ARHGEF28: variants seen among roughly 807,000 people sequenced by gnomAD.
ARHGEF28 encodes the protein 190 kDa guanine nucleotide exchange factor.
ARHGEF28 carries 152 observed loss-of-function variants against 206.6 expected under a neutral mutation model. That is an observed-to-expected ratio of 0.74 (90% CI 0.64 to 0.84). The LOEUF is 0.84. ARHGEF28 is among the 40% of genes least tolerant of loss of function. The probability of loss-of-function intolerance (pLI) is 0.00; values close to 1 mark genes in which losing one functional copy is unlikely to be tolerated. For synonymous variants in ARHGEF28, 763 were observed against 776.4 expected, an observed-to-expected ratio of 0.98 and a Z score of 0.29; for missense variants, 2,028 against 2,073.2, an observed-to-expected ratio of 0.98 and a Z score of 0.42.
chr5:73,698,884 C>T (rs534299799), intron 2 of ARHGEF28, among the ~76,000 whole-genome samples: 4 of 151,564 alleles, frequency 2.6e-5, no homozygotes, highest in East Asian at 2.0e-4. Flanking sequence ...TGGTTGGCAC[C>T]GGCTGACTGG....
rs1447111572 is a variant in ARHGEF28 at position 73,809,431 on chromosome 5, G to A, written c.1024+14040G>A. On this transcript the variant is annotated intron_variant, in intron 9 of 35. Coordinates refer to ENST00000513042, the MANE Select transcript of ARHGEF28 (RefSeq NM_001177693.2). ...AGGCTCAGAAAATGGGAATGACTTG[G>A]TTAGGGCCACTAACTGACGGAGCCA... 1.3e-5 allele frequency among the ~76,000 whole-genome samples: 2 copies of A among 152,220 alleles called. 1 individual carries two copies. The highest frequency in any genetic ancestry group is 1.3e-4 in the Admixed American group (2 of 15,286).
At chr5:73,883,148 T>A (rs1761059113) in intron 23 of ARHGEF28, among the ~76,000 whole-genome samples, 2 of 152,144 alleles carry the variant, frequency 1.3e-5, no homozygotes, top group Admixed American at 6.5e-5. Context: ...CTCTTTTCAT[T>A]TGAATGTTAT....
At chr5:73,733,751 T>C (rs529624294) in intron 2 of ARHGEF28, among the ~76,000 whole-genome samples, 4 of 152,082 alleles carry the variant, frequency 2.6e-5, no homozygotes, top group African/African-American at 7.2e-5. Flanking sequence ...AATTAAGAAA[T>C]GAGATGAGGC....
At chr5:73,765,852 C>T (rs1278982996) in intron 4 of ARHGEF28, among the ~76,000 whole-genome samples, 1 of 152,118 alleles carries the variant, frequency 6.6e-6, no homozygotes, top group East Asian at 1.9e-4. Flanking sequence ...AAAAATTAGT[C>T]TTCTAAAAAC....
rs114825374 is a variant in ARHGEF28, at chr5:73,642,342, G to A, written c.-12+16020G>A. Among the ~76,000 whole-genome samples, 800 of 152,068 alleles carry A rather than the reference G, an allele frequency of 5.3e-3. 4 individuals are homozygous for A. The highest frequency in any genetic ancestry group is 0.018 in the African/African-American group (749 of 41,494). On this transcript the variant is annotated intron_variant, in intron 1 of 35. Transcript: ENST00000513042. ...AGGTGTAAAACAGGGTTTTGTTTTT[G>A]TTTTTTTAACTTTCCCCCTAGAGTT...
At chr5:73,671,045 T>G (rs1231854664) in intron 1 of ARHGEF28, among the ~76,000 whole-genome samples, 1 of 152,178 alleles carries the variant, frequency 6.6e-6, no homozygotes, top group African/African-American at 2.4e-5. Context: ...AACTGTAGAA[T>G]CTTGACAGAA....
At chr5:73,682,558 GCCTGCCAC>G (rs1747178707) in intron 1 of ARHGEF28, among the ~76,000 whole-genome samples, 1 of 151,954 alleles carries the variant, frequency 6.6e-6, no homozygotes, top group Non-Finnish European at 1.5e-5. Context: ...GATTACAGGT[GCCTGCCAC>G]CCTGCCCAGC....
chr5:73,814,000 A>G (rs374024670), intron 9 of ARHGEF28, among the ~76,000 whole-genome samples: 5 of 152,246 alleles, frequency 3.3e-5, no homozygotes, highest in African/African-American at 1.2e-4. Flanking sequence ...CCTTGGCAAT[A>G]AACAGTCCTG....
In ARHGEF28 at chr5:73,851,915, A is replaced by G. The variant is rs375299514; in HGVS notation, c.1748-735A>G. ...CTTTGCAACCTAGTTATGCCTCTTC[A>G]CTGTTCTGGATTGTGAGAGTGAAGG... On this transcript the variant is annotated intron_variant, in intron 13 of 35. Transcript: ENST00000513042. Among the ~76,000 whole-genome samples the G allele has an allele frequency of 8.1e-4, 123 of 152,164 alleles. No individual in the cohort carries two copies. The South Asian group carries it at 0.024, about 30-fold the overall frequency.
At chr5:73,692,966 G>A (rs1008671792) in intron 2 of ARHGEF28, among the ~76,000 whole-genome samples, 8 of 152,138 alleles carry the variant, frequency 5.3e-5, no homozygotes, top group African/African-American at 7.2e-5. Flanking sequence ...CCATCAACTC[G>A]AAATATTAGT....
intron 35 of ARHGEF28, among the ~76,000 whole-genome samples, chr5:73,934,735 G>A (rs1186683226): frequency 2.0e-5 from 3 of 152,204 alleles, no homozygotes; most frequent in Non-Finnish European, 1.5e-5. Flanking sequence ...TTTTTGCTCT[G>A]AGAGATTTAT....
chr5:73,681,995 G>A (rs762534346), intron 1 of ARHGEF28, among the ~76,000 whole-genome samples: 24 of 152,074 alleles, frequency 1.6e-4, no homozygotes, highest in Non-Finnish European at 3.1e-4. Context: ...GAAGCAAGAG[G>A]ATTGCTTGAG....
chr5:73,825,074 G>GCAGGTACTGTA (rs1188286440), intron 9 of ARHGEF28, among the ~76,000 whole-genome samples: 5 of 152,268 alleles, frequency 3.3e-5, no homozygotes, highest in Non-Finnish European at 7.3e-5. Context: ...TGCCTGTATG[G>GCAGGTACTGTA]TTCTAGGTAC....
chr5:73,810,020 A>C (rs143430051), intron 9 of ARHGEF28, among the ~76,000 whole-genome samples: 5 of 152,190 alleles, frequency 3.3e-5, no homozygotes, highest in East Asian at 3.8e-4. Context: ...CAGAAAAAAA[A>C]CCCACTTCAA....
chr5:73,668,326 C>T (rs1471298500), intron 1 of ARHGEF28, among the ~76,000 whole-genome samples: 1 of 152,150 alleles, frequency 6.6e-6, no homozygotes, highest in Non-Finnish European at 1.5e-5. Flanking sequence ...ATGTATTTGG[C>T]TTATGGTTCT....
chr5:73,746,165 G>A (rs1241264104), intron 2 of ARHGEF28, among the ~76,000 whole-genome samples: 3 of 152,008 alleles, frequency 2.0e-5, no homozygotes, highest in African/African-American at 7.2e-5. Context: ...CATATTTTTG[G>A]AAGCATTTCT....
rs201386583 is a variant in ARHGEF28 at position 73,885,876 on chromosome 5, C to A, written c.3082C>A (p.Arg1028Ser). Residue 1028 changes from arginine (R) to serine (S), a missense_variant, in exon 25 of 36, where the codon CGC becomes AGC. By Grantham distance (110) the Arg-to-Ser change is moderately radical. Transcript: ENST00000513042. Reference protein sequence around the residue: ...KERTEEHKDLRKALCLIKDMI... With the variant: ...KERTEEHKDLSKALCLIKDMI... ...AAGAACTGAGGAACATAAAGACTTA[C>A]GCAAAGCGCTTTGCTTAATTAAAGA... 3.1e-6 allele frequency: 5 copies of A among 1,612,682 alleles called. No homozygotes were observed. Among genetic ancestry groups the A allele is most frequent in the Admixed American group, 3.3e-5 (2 of 59,796 alleles).
chr5:73,706,779 C>T (rs1361269110), intron 2 of ARHGEF28, among the ~76,000 whole-genome samples: 1 of 152,174 alleles, frequency 6.6e-6, no homozygotes, highest in Admixed American at 6.5e-5. Flanking sequence ...AAGATGCTGC[C>T]AGCGGGGCAA....
intron 2 of ARHGEF28, among the ~76,000 whole-genome samples, chr5:73,692,921 A>G (rs1042351925): frequency 6.6e-6 from 1 of 152,108 alleles, no homozygotes; most frequent in African/African-American, 2.4e-5. Context: ...GTGGCCCTCC[A>G]TCCCCCAGTG....
Sources: gnomAD v4.1 joint callset for allele counts (sites outside exome capture counted in the v4.1 genomes callset) on GRCh38, gnomAD v4.1.1 for gene constraint, MANE v1.5 for transcripts, NCBI Gene and HGNC (gene_info 2026-07-23, HGNC 2026-07-21) for gene names.